SPATA16: variants seen among roughly 807,000 people sequenced by gnomAD.
SPATA16 encodes the protein spermatogenesis associated 16.
In SPATA16, 36 loss-of-function variants were observed where a neutral mutation model predicts 63.3. The ratio of observed to expected loss-of-function variants is 0.57; its 90% CI spans 0.44 to 0.75. The LOEUF is 0.75. Ranked by LOEUF, SPATA16 falls within the 30% of genes least tolerant of loss-of-function variation. The probability of loss-of-function intolerance (pLI) is 0.00; values close to 1 mark genes in which losing one functional copy is unlikely to be tolerated. For synonymous variants in SPATA16, 203 were observed against 216.7 expected (o/e 0.94, Z 0.56); for missense variants, 646 against 679.3 (o/e 0.95, Z 0.54).
chr3:172,970,930 A>T (rs1030327827), intron 5 of SPATA16, among the ~76,000 whole-genome samples: 3 of 152,208 alleles, frequency 2.0e-5, no homozygotes, highest in Non-Finnish European at 4.4e-5. Flanking sequence ...GTAATGAGTA[A>T]TATTGGAATG....
rs558880990 is a variant in SPATA16, at chr3:173,101,511, T to C, written c.612+15609A>G. ...ATATTACAGAACACTATGTCATCTATATATTCTACTGTTGCTAACCCTGTC... is the reference window on the plus strand; with the variant it reads ...ATATTACAGAACACTATGTCATCTACATATTCTACTGTTGCTAACCCTGTC... On this transcript the variant is annotated intron_variant, in intron 2 of 10. Transcript: ENST00000351008. 2.1e-4 allele frequency among the ~76,000 whole-genome samples: 32 copies of C among 152,328 alleles called. 1 individual carries two copies. The highest frequency in any genetic ancestry group is 7.0e-4 in the African/African-American group (29 of 41,570).
chr3:173,140,991 C>T (rs1738698359), intron 1 of SPATA16, 112 bp downstream of exon 1: 1 of 152,256 alleles, frequency 6.6e-6, no homozygotes. Context: ...AAAGGAGCTC[C>T]TGTTTTCCCA....
At chr3:173,121,564 C>T (rs377191750) in intron 1 of SPATA16, among the ~76,000 whole-genome samples, 3 of 151,942 alleles carry the variant, frequency 2.0e-5, no homozygotes, top group African/African-American at 4.8e-5. Flanking sequence ...TTTTTTATAT[C>T]GCAATTATTC....
intron 4 of SPATA16, among the ~76,000 whole-genome samples, chr3:173,016,605 A>C (rs1735194020): frequency 6.6e-6 from 1 of 152,252 alleles, no homozygotes. Context: ...ATGACTGCGT[A>C]GCATGCTACA....
chr3:173,081,010 G>A (rs1878007), intron 2 of SPATA16, among the ~76,000 whole-genome samples: 21,319 of 152,094 alleles, frequency 0.14, 1,889 homozygotes, highest in South Asian at 0.28. Flanking sequence ...AAAGAGAATC[G>A]GAAGGCAACA....
chr3:173,017,987 G>T lies in SPATA16; in HGVS notation c.848+1499C>A, dbSNP rs563407156. ...AGTGAGCCACAGAGACATTTCAGTG[G>T]AGTAAATAAAAAGTAGGAAGAAGTA... On this transcript the variant is annotated intron_variant, in intron 4 of 10. Transcript: ENST00000351008. 3.9e-5 allele frequency among the ~76,000 whole-genome samples: 6 copies of T among 152,304 alleles called. No homozygotes were observed. The South Asian group carries it at 1.2e-3, about 32-fold the overall frequency.
chr3:173,098,802 C>T (rs1252149797), intron 2 of SPATA16, among the ~76,000 whole-genome samples: 1 of 152,144 alleles, frequency 6.6e-6, no homozygotes, highest in Non-Finnish European at 1.5e-5. Flanking sequence ...TTATGGAATA[C>T]TCTTTTCTGA....
At chr3:172,965,978 A>G (rs1733912062) in intron 5 of SPATA16, among the ~76,000 whole-genome samples, 1 of 152,182 alleles carries the variant, frequency 6.6e-6, no homozygotes, top group African/African-American at 2.4e-5. Context: ...ACAGAAGGAT[A>G]ATTTTATGGG....
At chr3:173,088,075 TTTCTGTC>T in intron 2 of SPATA16, among the ~76,000 whole-genome samples, 2 of 129,854 alleles carry the variant, frequency 1.5e-5, no homozygotes, top group African/African-American at 6.1e-5. Context: ...TCTTTCTTTC[TTTCTGTC>T]TTTTCTTTTT....
chr3:173,028,592 T>TA (rs964282159), intron 3 of SPATA16, among the ~76,000 whole-genome samples: 4 of 151,646 alleles, frequency 2.6e-5, no homozygotes, highest in Non-Finnish European at 4.4e-5. Context: ...TGTTTAAAAA[T>TA]AAAAAATCTT....
At chr3:173,074,169 G>T (rs189153710) in intron 2 of SPATA16, among the ~76,000 whole-genome samples, 36 of 152,334 alleles carry the variant, frequency 2.4e-4, no homozygotes, top group African/African-American at 7.9e-4. Context: ...CTCATAGGTG[G>T]AAGGGGCTTG....
chr3:173,002,868 T>C (rs1734856300), intron 4 of SPATA16, among the ~76,000 whole-genome samples: 1 of 152,190 alleles, frequency 6.6e-6, no homozygotes, highest in South Asian at 2.1e-4. Context: ...AGGTGAAAAC[T>C]TGATAGCAGA....
chr3:172,987,417 G>T (rs574016050), intron 4 of SPATA16, among the ~76,000 whole-genome samples: 1 of 152,224 alleles, frequency 6.6e-6, no homozygotes, highest in African/African-American at 2.4e-5. Context: ...ACCATATCCC[G>T]GGTCACTCTC....
chr3:172,890,406 C>T (rs1030391112), intron 10 of SPATA16, among the ~76,000 whole-genome samples: 13 of 152,166 alleles, frequency 8.5e-5, no homozygotes, highest in Non-Finnish European at 1.5e-4. Flanking sequence ...ATTGATTTCT[C>T]ATGAAAGTCA....
intron 3 of SPATA16, among the ~76,000 whole-genome samples, chr3:173,041,517 A>G (rs1735840013): frequency 6.6e-6 from 1 of 152,140 alleles, no homozygotes; most frequent in Non-Finnish European, 1.5e-5. Flanking sequence ...GTGTTAAGAG[A>G]TATATGCAGG....
chr3:173,123,033 GA>G (rs1482123393), intron 1 of SPATA16, among the ~76,000 whole-genome samples: 1 of 152,166 alleles, frequency 6.6e-6, no homozygotes, highest in Admixed American at 6.5e-5. Flanking sequence ...TGAGAAGAGG[GA>G]CAAGTGTCCC....
At chr3:173,088,060 TTC>T (rs1242334803) in intron 2 of SPATA16, among the ~76,000 whole-genome samples, 1 of 133,294 alleles carries the variant, frequency 7.5e-6, no homozygotes, top group Non-Finnish European at 1.7e-5. Flanking sequence ...CTTTCTTTCT[TTC>T]TTTCTTTCTT....
intron 3 of SPATA16, among the ~76,000 whole-genome samples, chr3:173,042,894 T>C (rs1735875811): frequency 6.6e-6 from 1 of 152,162 alleles, no homozygotes; most frequent in South Asian, 2.1e-4. Flanking sequence ...CTCTATAAGG[T>C]TTTAAAATTT....
chr3:172,905,937 A>T (rs1732223527), intron 10 of SPATA16, among the ~76,000 whole-genome samples: 1 of 152,210 alleles, frequency 6.6e-6, no homozygotes, highest in Non-Finnish European at 1.5e-5. Flanking sequence ...TTCCTCATTT[A>T]GTCTTCAATC....
Sources: allele counts gnomAD v4.1 joint callset (sites outside exome capture counted in the v4.1 genomes callset), GRCh38; gene constraint gnomAD v4.1.1; transcripts MANE v1.5; gene names NCBI Gene and HGNC (gene_info 2026-07-23, HGNC 2026-07-21).